The following CASZ1 variants were observed in gnomAD, a reference collection of about 807,000 sequenced individuals.
The protein encoded by CASZ1 is zinc finger protein castor homolog 1.
CASZ1 carries 28 observed loss-of-function variants against 135.2 expected under a neutral mutation model. That is an observed-to-expected ratio of 0.21 (90% CI 0.15 to 0.28). The LOEUF is 0.28. CASZ1 is among the 10% of genes least tolerant of loss of function. CASZ1 has a pLI of 1.00. For synonymous variants in CASZ1, 1,068 were observed against 1,073.4 expected, an observed-to-expected ratio of 0.99 and a Z score of 0.10; for missense variants, 2,161 against 2,453.3, an observed-to-expected ratio of 0.88 and a Z score of 2.52.
At chr1:10,772,267 G>A (rs1267322336) in intron 1 of CASZ1, among the ~76,000 whole-genome samples, 1 of 152,190 alleles carries the variant, frequency 6.6e-6, no homozygotes. Context: ...TTGCAGCTGG[G>A]AGAAAGAACA....
rs1241412530 is a variant in CASZ1, at chr1:10,735,009, C to G, written c.-77+25692G>C. On this transcript the variant is annotated intron_variant, in intron 2 of 20. Coordinates refer to ENST00000377022, the MANE Select transcript of CASZ1 (RefSeq NM_001079843.3). The surrounding 1 kb of genome is among the most constrained non-coding windows in gnomAD (Gnocchi z 5.1). Reference sequence around the variant, plus strand: ...TGAGGGCGGCCACATACTCTCAACTCCCCGCCCCATGACCAACGGGACCCT... The same window carrying G: ...TGAGGGCGGCCACATACTCTCAACTGCCCGCCCCATGACCAACGGGACCCT... Among the ~76,000 whole-genome samples, 1 of 152,150 alleles carries G rather than the reference C, an allele frequency of 6.6e-6. No individual in the cohort carries two copies. The highest frequency in any genetic ancestry group is 2.4e-5 in the African/African-American group (1 of 41,430).
At chr1:10,743,776 G>C (rs1349546175) in intron 2 of CASZ1, among the ~76,000 whole-genome samples, 1 of 151,418 alleles carries the variant, frequency 6.6e-6, no homozygotes, top group African/African-American at 2.4e-5. Context: ...CGTGACGGGA[G>C]GGCAGGCGGG....
intron 2 of CASZ1, among the ~76,000 whole-genome samples, chr1:10,750,668 C>T (rs955141692): frequency 3.3e-5 from 5 of 151,984 alleles, no homozygotes; most frequent in Non-Finnish European, 7.4e-5. Flanking sequence ...GGGAGGCTGA[C>T]GCAGGTGGAT....
At chr1:10,743,057 A>G (rs1317189398) in intron 2 of CASZ1, among the ~76,000 whole-genome samples, 2 of 152,018 alleles carry the variant, frequency 1.3e-5, no homozygotes, top group African/African-American at 4.8e-5. Context: ...AGCCCCCTGA[A>G]AGCAGTACTG....
intron 2 of CASZ1, among the ~76,000 whole-genome samples, chr1:10,731,526 G>C (rs1314202695): frequency 6.6e-6 from 1 of 152,194 alleles, no homozygotes; most frequent in African/African-American, 2.4e-5. Context: ...TGAGGCTGCA[G>C]TGAGCTCTGA....
rs1388798415 is a variant in CASZ1, at chr1:10,699,027, G to T, written c.-23-5115C>A. 6.6e-6 allele frequency among the ~76,000 whole-genome samples: 1 copy of T among 152,204 alleles called. No homozygotes were observed. On this transcript the variant is annotated intron_variant, in intron 3 of 20. Coordinates refer to ENST00000377022, the MANE Select transcript of CASZ1 (RefSeq NM_001079843.3). The surrounding 1 kb of genome is among the most constrained non-coding windows in gnomAD (Gnocchi z 4.6). ...CACCCATGGCCTGGCCTGGGTTGGG[G>T]GTGGGAGCAAGATGGAGCCTGGGGT... is the stretch of plus-strand genomic sequence containing the variant.
At chr1:10,758,242 C>G (rs1640295451) in intron 2 of CASZ1, among the ~76,000 whole-genome samples, 2 of 151,950 alleles carry the variant, frequency 1.3e-5, no homozygotes, top group South Asian at 4.2e-4. Flanking sequence ...GCCTCGCCTA[C>G]CAGACTCCAT....
At chr1:10,663,079 G>A (rs1246976932) in intron 5 of CASZ1, among the ~76,000 whole-genome samples, 2 of 152,206 alleles carry the variant, frequency 1.3e-5, no homozygotes, top group African/African-American at 4.8e-5. Flanking sequence ...CGGCCCCCGG[G>A]GACACCATGT....
Position 10,759,417 on chromosome 1 carries a change from A to G in CASZ1, c.-77+1284T>C, listed in dbSNP as rs1175766071. Among the ~76,000 whole-genome samples the G allele has an allele frequency of 6.6e-6, 1 of 152,170 alleles. No individual in the cohort carries two copies. Among genetic ancestry groups the G allele is most frequent in the African/African-American group, 2.4e-5 (1 of 41,408 alleles). On this transcript the variant is annotated intron_variant, in intron 2 of 20. Coordinates refer to ENST00000377022, the MANE Select transcript of CASZ1 (RefSeq NM_001079843.3). The surrounding 1 kb of genome is among the most constrained non-coding windows in gnomAD (Gnocchi z 4.2). ...GCTATCCAGGGGACAACGGCAGCAC[A>G]TCCTAAGTACGACAGACCAACTTCA...
At position 10,636,916 on chromosome 1, in the gene CASZ1, ATATT is replaced by A. The variant is rs1378504393; in HGVS notation, c.*2022_*2025del. 5.9e-5 allele frequency: 9 copies of A among 152,116 alleles called. No homozygotes were observed. Among genetic ancestry groups the A allele is most frequent in the African/African-American group, 1.2e-4 (5 of 41,382 alleles). 9.4% of individuals were successfully genotyped at this position (152,116 alleles called of 1,614,324 possible). A position where few individuals can be genotyped will look rare whatever the true frequency, so the allele number is the denominator to read the frequency against. ...CACATATGTGCATACATATTATTTG[ATATT>A]TATATATATACACATACATAGTTAT... On this transcript the variant is annotated 3_prime_UTR_variant, in exon 21 of 21. Coordinates refer to ENST00000377022, the MANE Select transcript of CASZ1 (RefSeq NM_001079843.3).
Position 10,647,396 on chromosome 1 carries a change from A to T in CASZ1, c.3497+405T>A. 1 of 1,080,286 alleles carries T rather than the reference A, an allele frequency of 9.3e-7. No homozygotes were observed. Among genetic ancestry groups the T allele is most frequent in the Non-Finnish European group, 1.1e-6 (1 of 887,626 alleles). The allele number at this position is 1,080,286 out of a possible 1,614,324, so 66.9% of individuals were successfully genotyped here. ...GGGCCTGGCCCCTACCCGTGACTTC[A>T]CGTGCCCTGCAGAGATTCAGCCATG... On this transcript the variant is annotated intron_variant, in intron 16 of 20. Coordinates refer to ENST00000377022, the MANE Select transcript of CASZ1 (RefSeq NM_001079843.3). The surrounding 1 kb of genome is among the most constrained non-coding windows in gnomAD (Gnocchi z 4.9).
intron 1 of CASZ1, among the ~76,000 whole-genome samples, chr1:10,782,641 G>A (rs114620619): frequency 0.015 from 2,273 of 152,246 alleles, 33 homozygotes; most frequent in Non-Finnish European, 0.022. Flanking sequence ...AGCACAGCAC[G>A]TCCCTTCATT....
Position 10,638,639 on chromosome 1 carries a change from G to A in CASZ1, c.*303C>T, listed in dbSNP as rs192318338. Reference sequence around the variant, plus strand: ...CGAATCGGCCGCGGGGAGGGGCGCCGGGGCAGCGGCCGGGAGCTGCGCCGC... The same window carrying A: ...CGAATCGGCCGCGGGGAGGGGCGCCAGGGCAGCGGCCGGGAGCTGCGCCGC... On this transcript the variant is annotated 3_prime_UTR_variant, in exon 21 of 21. Transcript: ENST00000377022. The surrounding 1 kb of genome is among the most constrained non-coding windows in gnomAD (Gnocchi z 5.9). 1,010 of 154,250 alleles carry A rather than the reference G, an allele frequency of 6.5e-3. 10 individuals carry two copies. The highest frequency in any genetic ancestry group is 0.023 in the African/African-American group (972 of 41,506). 9.6% of individuals were successfully genotyped at this position (154,250 alleles called of 1,614,324 possible).
At chr1:10,673,507 T>C (rs1207144047) in intron 4 of CASZ1, among the ~76,000 whole-genome samples, 1 of 151,888 alleles carries the variant, frequency 6.6e-6, no homozygotes, top group African/African-American at 2.4e-5. Flanking sequence ...GCTGCCTCTC[T>C]CCTGCTGGGG....
chr1:10,793,497 C>T (rs950199098), intron 1 of CASZ1, among the ~76,000 whole-genome samples: 1 of 152,086 alleles, frequency 6.6e-6, no homozygotes, highest in Admixed American at 6.5e-5. Context: ...AAGGCACTGC[C>T]CCTTTAAACG....
chr1:10,693,827 C>A, intron 4 of CASZ1, 47 bp downstream of exon 4: 2 of 1,578,628 alleles, frequency 1.3e-6, no homozygotes, highest in African/African-American at 1.4e-5. Flanking sequence ...GTAAAAGAAG[C>A]GAAAGAAAAG....
rs755480023 is a variant in CASZ1, at chr1:10,665,459, C to T, written c.129G>A (p.Val43=). ...AGCCGGCGTCAGCTCGCTTCTCCAC[C>T]ACCACCTGGCGGCTCAGCTTGGCGC... The part of the protein sequence containing the change: ...AICAKLSRQV[V]VEKRADAGSH... Residue 43 remains valine, a synonymous_variant, in exon 5 of 21, where the codon GTG becomes GTA. Coordinates refer to ENST00000377022, the MANE Select transcript of CASZ1 (RefSeq NM_001079843.3). 1 of 1,610,158 alleles carries T rather than the reference C, an allele frequency of 6.2e-7. No individual in the cohort carries two copies. The highest frequency in any genetic ancestry group is 1.1e-5 in the South Asian group (1 of 91,066).
chr1:10,780,925 G>C (rs533418076), intron 1 of CASZ1, among the ~76,000 whole-genome samples: 2 of 152,046 alleles, frequency 1.3e-5, no homozygotes, highest in Non-Finnish European at 1.5e-5. Flanking sequence ...ACACACAATC[G>C]GCCCTCAGTA....
At chr1:10,659,407 G>A (rs777098624) in intron 6 of CASZ1, among the ~76,000 whole-genome samples, 6 of 152,332 alleles carry the variant, frequency 3.9e-5, no homozygotes, top group South Asian at 2.1e-4. Context: ...TGTGGGTGGC[G>A]TGTGTGGGGG....
Sources: gnomAD v4.1 joint callset for allele counts (sites outside exome capture counted in the v4.1 genomes callset) on GRCh38, gnomAD v4.1.1 for gene constraint, Gnocchi (gnomAD v3.1) non-coding constraint, MANE v1.5 for transcripts, NCBI Gene and HGNC (gene_info 2026-07-23, HGNC 2026-07-21) for gene names.